Variants in AUTS2 observed in about 807,000 individuals in gnomAD.
The protein encoded by AUTS2 is activator of transcription and developmental regulator AUTS2.
AUTS2 carries 17 observed loss-of-function variants against 112.4 expected under a neutral mutation model. The ratio of observed to expected loss-of-function variants is 0.15; its 90% confidence interval spans 0.10 to 0.23. The LOEUF (loss-of-function observed/expected upper bound fraction) is 0.23, where lower values mean the gene tolerates loss of function less well. AUTS2 is among the 10% of genes least tolerant of loss of function. The pLI, the probability that AUTS2 is intolerant of heterozygous loss-of-function variation, is 1.00. For missense variants in AUTS2, 1,510 were observed against 1,701.6 expected, an observed-to-expected ratio of 0.89 and a Z score of 1.98; for synonymous variants, 751 against 702.7, an observed-to-expected ratio of 1.07 and a Z score of -1.09.
intron 2 of AUTS2, among the ~76,000 whole-genome samples, chr7:70,116,582 A>G (rs1805367112): frequency 6.6e-6 from 1 of 152,156 alleles, no homozygotes; most frequent in Non-Finnish European, 1.5e-5. Context: ...CCACGTTTTC[A>G]TTCATGCACC....
At chr7:70,025,712 T>A (rs2129555806) in intron 2 of AUTS2, among the ~76,000 whole-genome samples, 1 of 151,460 alleles carries the variant, frequency 6.6e-6, no homozygotes, top group African/African-American at 2.4e-5. Flanking sequence ...CGCCTTGGCC[T>A]CCCAAAGTGC....
chr7:70,374,887 C>G (rs1011028802), intron 4 of AUTS2, among the ~76,000 whole-genome samples: 4 of 152,130 alleles, frequency 2.6e-5, no homozygotes, highest in African/African-American at 7.2e-5. Flanking sequence ...CAAGAACTCC[C>G]TAAACCAAGT....
chr7:70,273,795 A>C (rs1352258062), intron 4 of AUTS2, among the ~76,000 whole-genome samples: 3 of 152,108 alleles, frequency 2.0e-5, no homozygotes, highest in Non-Finnish European at 4.4e-5. Flanking sequence ...TGTATTTTAA[A>C]TCTGCATTTG....
At chr7:70,232,288 T>A (rs965738477) in intron 4 of AUTS2, among the ~76,000 whole-genome samples, 5 of 152,184 alleles carry the variant, frequency 3.3e-5, no homozygotes, top group African/African-American at 9.7e-5. Context: ...ATTTCCAGTT[T>A]GTGGCTATTA....
intron 2 of AUTS2, among the ~76,000 whole-genome samples, chr7:69,984,143 C>T (rs113612311): frequency 0.035 from 5,261 of 152,170 alleles, 186 homozygotes; most frequent in Non-Finnish European, 0.044. Context: ...TTCTGCTGGG[C>T]GCAGTGGCTC....
intron 6 of AUTS2, among the ~76,000 whole-genome samples, chr7:70,749,186 G>A (rs1015814874): frequency 6.6e-6 from 1 of 152,136 alleles, no homozygotes; most frequent in Non-Finnish European, 1.5e-5. Context: ...AAGGAATGAA[G>A]GAAAGAATTT....
intron 4 of AUTS2, among the ~76,000 whole-genome samples, chr7:70,314,579 T>G (rs1180498573): frequency 6.6e-6 from 1 of 152,224 alleles, no homozygotes; most frequent in Admixed American, 6.5e-5. Flanking sequence ...ATTTTGACAG[T>G]CCTCAAATTT....
rs568218571 is a variant in AUTS2, at chr7:70,723,088, G to C, written c.742+24468G>C. On this transcript the variant is annotated intron_variant, in intron 6 of 18. Transcript: ENST00000342771. ...CGAGTCGGGGATAGGAGTAGAGAAC[G>C]TGAGCTTCTTGAGTCACCTGCAATG... 4.6e-5 allele frequency among the ~76,000 whole-genome samples: 7 copies of C among 152,302 alleles called. No homozygotes were observed. The East Asian group carries it at 1.4e-3, about 29-fold the overall frequency.
intron 4 of AUTS2, among the ~76,000 whole-genome samples, chr7:70,284,732 G>A (rs553086102): frequency 1.3e-5 from 2 of 152,152 alleles, no homozygotes; most frequent in Non-Finnish European, 2.9e-5. Context: ...TTATAAAGAA[G>A]ATGAAACTGA....
intron 6 of AUTS2, among the ~76,000 whole-genome samples, chr7:70,712,389 C>CA (rs1810109466): frequency 6.6e-6 from 1 of 151,992 alleles, no homozygotes; most frequent in East Asian, 1.9e-4. Context: ...TTTCCGGTCG[C>CA]AATGCTTAGT....
chr7:69,882,902 AT>A (rs1204756491), intron 1 of AUTS2, among the ~76,000 whole-genome samples: 3 of 152,194 alleles, frequency 2.0e-5, no homozygotes, highest in African/African-American at 7.2e-5. Context: ...TCCCTTTTTA[AT>A]GACTTACCAG....
intron 1 of AUTS2, among the ~76,000 whole-genome samples, chr7:69,881,021 A>T (rs994006653): frequency 6.6e-6 from 1 of 152,206 alleles, no homozygotes; most frequent in Non-Finnish European, 1.5e-5. Context: ...AGGTTCAGAC[A>T]CTTGTGTTCA....
intron 5 of AUTS2, among the ~76,000 whole-genome samples, chr7:70,558,106 C>G (rs1801324658): frequency 2.0e-5 from 3 of 152,118 alleles, no homozygotes; most frequent in Admixed American, 2.0e-4. Flanking sequence ...TCCATAAGCA[C>G]AGGGACACCT....
chr7:70,526,793 G>GT (rs1398711410), intron 5 of AUTS2, among the ~76,000 whole-genome samples: 1 of 152,150 alleles, frequency 6.6e-6, no homozygotes, highest in African/African-American at 2.4e-5. Flanking sequence ...TGCCTTATGT[G>GT]TGCCTTTGAA....
rs1274453157 is a variant in AUTS2, at chr7:70,700,179, G to A, written c.742+1559G>A. 2.6e-5 allele frequency among the ~76,000 whole-genome samples: 4 copies of A among 151,610 alleles called. No homozygotes were observed. In the East Asian group the frequency reaches 7.7e-4, roughly 29 times the overall value. ...CCTTTTTTTCCTTTTCCAATCAAAC[G>A]TTTCCCACATTCTTATTTTTGTTTA... On this transcript the variant is annotated intron_variant, in intron 6 of 18. Transcript: ENST00000342771.
intron 2 of AUTS2, among the ~76,000 whole-genome samples, chr7:69,932,588 C>T (rs1391496988): frequency 1.3e-5 from 2 of 152,158 alleles, no homozygotes; most frequent in Non-Finnish European, 2.9e-5. Flanking sequence ...TTTCCAGGGC[C>T]ATTTTATTGG....
chr7:70,141,878 C>T (rs1806883255), intron 4 of AUTS2, among the ~76,000 whole-genome samples: 1 of 152,164 alleles, frequency 6.6e-6, no homozygotes, highest in South Asian at 2.1e-4. Context: ...TTTGTAGAAT[C>T]TCTACAACAG....
At chr7:70,773,409 G>A (rs1790487145) in intron 11 of AUTS2, among the ~76,000 whole-genome samples, 1 of 152,208 alleles carries the variant, frequency 6.6e-6, no homozygotes, top group South Asian at 2.1e-4. Context: ...AGCAATATTT[G>A]AGAATGGTGG....
chr7:70,439,405 A>T (rs186398541), intron 5 of AUTS2, among the ~76,000 whole-genome samples: 14 of 151,984 alleles, frequency 9.2e-5, no homozygotes, highest in African/African-American at 3.1e-4. Flanking sequence ...CGGGCGTGGT[A>T]GCACGTGCCT....
Sources: gnomAD v4.1 joint callset for allele counts (sites outside exome capture counted in the v4.1 genomes callset) on GRCh38, gnomAD v4.1.1 for gene constraint, MANE v1.5 for transcripts, NCBI Gene and HGNC (gene_info 2026-07-23, HGNC 2026-07-21) for gene names.